ESRRG: variants seen among roughly 807,000 people sequenced by gnomAD.
The protein encoded by ESRRG is estrogen related receptor gamma, also known as estrogen-related receptor gamma.
Under a neutral mutation model 44.0 loss-of-function variants are expected in ESRRG, and 13 were observed. That is an observed-to-expected ratio of 0.30 (90% CI 0.19 to 0.47). The LOEUF is 0.47. Among genes scored for constraint, ESRRG ranks in the 20% least tolerant of loss-of-function variants. ESRRG has a pLI of 1.00. For missense variants in ESRRG, 395 were observed against 580.6 expected (o/e 0.68, Z 3.29); for synonymous variants, 215 against 214.6 (o/e 1.00, Z -0.02).
chr1:217,014,128 G>A (rs2079015943), intron 1 of ESRRG, among the ~76,000 whole-genome samples: 1 of 151,936 alleles, frequency 6.6e-6, no homozygotes, highest in African/African-American at 2.4e-5. Context: ...TGACTGCTGT[G>A]GGTGTTTGGG....
chr1:216,977,341 T>TACACACACACACACACACACAC, intron 1 of ESRRG, among the ~76,000 whole-genome samples: 1 of 144,086 alleles, frequency 6.9e-6, no homozygotes, highest in East Asian at 2.1e-4. Context: ...GGAGGATACA[T>TACACACACACACACACACACAC]ACACACACAC....
At chr1:217,084,188 T>C (rs1241200466) in intron 1 of ESRRG, among the ~76,000 whole-genome samples, 3 of 151,030 alleles carry the variant, frequency 2.0e-5, no homozygotes, top group Non-Finnish European at 4.4e-5. Context: ...GAGGGAACTC[T>C]GACAATAGGA....
chr1:216,720,785 A>C (rs1367838798), intron 1 of ESRRG, among the ~76,000 whole-genome samples: 1 of 152,188 alleles, frequency 6.6e-6, no homozygotes. Context: ...ATCTTAAAAC[A>C]CGAAACTTAA....
At chr1:216,939,360 A>AAAAAAAAC (rs2064787240) in intron 2 of ESRRG, among the ~76,000 whole-genome samples, 1 of 142,366 alleles carries the variant, frequency 7.0e-6, no homozygotes, top group Non-Finnish European at 1.5e-5. Context: ...AAAAAAAAAA[A>AAAAAAAAC]AAAAAAAAAA....
chr1:216,801,512 A>C (rs1039565134), intron 2 of ESRRG, among the ~76,000 whole-genome samples: 1 of 152,152 alleles, frequency 6.6e-6, no homozygotes, highest in Non-Finnish European at 1.5e-5. Flanking sequence ...CATATAAGTG[A>C]GATCATCCAG....
In ESRRG at chr1:216,791,295, G is replaced by A. The variant is rs574128610; in HGVS notation, c.-13-113804C>T. Among the ~76,000 whole-genome samples, 7 of 151,964 alleles carry A rather than the reference G, an allele frequency of 4.6e-5. No individual in the cohort carries two copies. In the East Asian group the frequency reaches 9.8e-4, roughly 21 times the overall value. ...AAAAGTGCGTGGCACCTCCTTCCCC[G>A]ACTCTCTTCCCTCTTTCTCCTGCTT... On this transcript the variant is annotated intron_variant, in intron 2 of 7. Transcript: ENST00000359162.
chr1:216,991,433 A>G (rs1553759030), intron 1 of ESRRG, among the ~76,000 whole-genome samples: 3 of 152,118 alleles, frequency 2.0e-5, no homozygotes, highest in Non-Finnish European at 4.4e-5. Context: ...AACTCGGCAT[A>G]TATTCATTGG....
chr1:217,008,650 G>A (rs1361865586), intron 1 of ESRRG, among the ~76,000 whole-genome samples: 1 of 152,176 alleles, frequency 6.6e-6, no homozygotes, highest in Non-Finnish European at 1.5e-5. Context: ...GTGACAAGTT[G>A]CCATGTAAAG....
chr1:216,994,444 C>T (rs1196814301), intron 1 of ESRRG, among the ~76,000 whole-genome samples: 2 of 149,646 alleles, frequency 1.3e-5, no homozygotes, highest in Admixed American at 1.3e-4. Flanking sequence ...ACTGCACACA[C>T]ATATAAACCC....
chr1:216,969,308 C>T (rs1017868873), intron 1 of ESRRG, among the ~76,000 whole-genome samples: 4 of 151,858 alleles, frequency 2.6e-5, no homozygotes, highest in South Asian at 4.2e-4. Context: ...TTTAAGTATT[C>T]GATGAATGAA....
intron 2 of ESRRG, among the ~76,000 whole-genome samples, chr1:216,662,438 T>G (rs1321284633): frequency 2.6e-5 from 4 of 152,110 alleles, no homozygotes; most frequent in African/African-American, 9.7e-5. Flanking sequence ...CACTGCTGGC[T>G]GGATTGAGAG....
chr1:217,083,691 A>G (rs2091909812), intron 1 of ESRRG, among the ~76,000 whole-genome samples: 1 of 152,232 alleles, frequency 6.6e-6, no homozygotes, highest in Non-Finnish European at 1.5e-5. Context: ...AAGCATCATC[A>G]GGTATTATAT....
chr1:217,008,185 CTG>C (rs1308864074), intron 1 of ESRRG, among the ~76,000 whole-genome samples: 1 of 152,224 alleles, frequency 6.6e-6, no homozygotes, highest in Non-Finnish European at 1.5e-5. Flanking sequence ...CTGTCTGCCA[CTG>C]TGAGATATGG....
At chr1:217,131,763 T>A (rs891051991) in intron 1 of ESRRG, among the ~76,000 whole-genome samples, 1 of 152,208 alleles carries the variant, frequency 6.6e-6, no homozygotes, top group African/African-American at 2.4e-5. Context: ...GGGAAAAATT[T>A]GAGTTCAAAT....
At chr1:216,869,263 G>A (rs2096223707) in intron 2 of ESRRG, among the ~76,000 whole-genome samples, 1 of 152,072 alleles carries the variant, frequency 6.6e-6, no homozygotes, top group South Asian at 2.1e-4. Flanking sequence ...TGAGGTTTAG[G>A]TGAAGGTTTA....
intron 1 of ESRRG, among the ~76,000 whole-genome samples, chr1:216,678,839 A>G (rs2076546847): frequency 6.6e-6 from 1 of 152,200 alleles, no homozygotes; most frequent in Non-Finnish European, 1.5e-5. Context: ...GACTCATCAC[A>G]GGATAACCAA....
At chr1:217,005,596 A>G (rs2077629433) in intron 1 of ESRRG, among the ~76,000 whole-genome samples, 1 of 152,126 alleles carries the variant, frequency 6.6e-6, no homozygotes, top group Admixed American at 6.6e-5. Context: ...AGTCAACCAA[A>G]GAGGTAGTTC....
At chr1:217,048,849 C>G (rs1036933413) in intron 1 of ESRRG, among the ~76,000 whole-genome samples, 1 of 152,184 alleles carries the variant, frequency 6.6e-6, no homozygotes, top group Non-Finnish European at 1.5e-5. Context: ...TGGCCCCACT[C>G]TATCTGCTCT....
chr1:216,831,416 C>G (rs940215291), intron 2 of ESRRG, among the ~76,000 whole-genome samples: 1 of 151,274 alleles, frequency 6.6e-6, no homozygotes, highest in Non-Finnish European at 1.5e-5. Context: ...CCAAATGAAG[C>G]CTGAGGAGAC....
Sources: gnomAD v4.1 joint callset for allele counts (sites outside exome capture counted in the v4.1 genomes callset) on GRCh38, gnomAD v4.1.1 for gene constraint, MANE v1.5 for transcripts, NCBI Gene and HGNC (gene_info 2026-07-23, HGNC 2026-07-21) for gene names.